The following LEKR1 variants were observed in gnomAD, a reference collection of about 807,000 sequenced individuals.
LEKR1 encodes protein LEKR1.
In LEKR1, 59 loss-of-function variants were observed where a neutral mutation model predicts 72.4. The observed-to-expected ratio is 0.82, with a 90% CI of 0.66 to 1.01. The LOEUF (loss-of-function observed/expected upper bound fraction) is 1.01, where lower values mean the gene tolerates loss of function less well. Among genes scored for constraint, LEKR1 ranks in the 50% least tolerant of loss-of-function variants. LEKR1 has a pLI of 0.00. For missense variants in LEKR1, 728 were observed against 759.2 expected (o/e 0.96, Z 0.48); for synonymous variants, 257 against 263.2 (o/e 0.98, Z 0.23).
intron 10 of LEKR1, among the ~76,000 whole-genome samples, chr3:157,014,899 C>T (rs972719375): frequency 6.6e-6 from 1 of 152,120 alleles, no homozygotes; most frequent in Non-Finnish European, 1.5e-5. Context: ...AGCTGAGAAT[C>T]CACCTCCATG....
At chr3:156,972,254 C>T (rs1729271604) in intron 6 of LEKR1, among the ~76,000 whole-genome samples, 1 of 151,664 alleles carries the variant, frequency 6.6e-6, no homozygotes, top group Non-Finnish European at 1.5e-5. Context: ...AAAAACCAAA[C>T]ACCGCATGTT....
chr3:156,877,851 C>T (rs944926887), intron 3 of LEKR1, among the ~76,000 whole-genome samples: 3 of 152,112 alleles, frequency 2.0e-5, no homozygotes, highest in Non-Finnish European at 2.9e-5. Flanking sequence ...GGCACGATCT[C>T]GGCTCACTGC....
At chr3:156,888,988 T>C (rs1329034117) in intron 3 of LEKR1, among the ~76,000 whole-genome samples, 3 of 152,216 alleles carry the variant, frequency 2.0e-5, no homozygotes, top group Non-Finnish European at 4.4e-5. Context: ...ATTTCTTTAT[T>C]AATAATCTTG....
rs955540809 is a variant in LEKR1 at position 156,881,094 on chromosome 3, G to C, written c.263+28112G>C. 1.8e-3 allele frequency among the ~76,000 whole-genome samples: 268 copies of C among 152,284 alleles called. 2 individuals carry two copies. The highest frequency in any genetic ancestry group is 6.2e-3 in the African/African-American group (256 of 41,552). ...ATTCTCTTTGAAAACTGGCACAAGA[G>C]AGGGATGCCCTCTCTCAGCACTCCT... On this transcript the variant is annotated intron_variant, in intron 3 of 12. Transcript: ENST00000356539.
intron 9 of LEKR1, among the ~76,000 whole-genome samples, chr3:156,995,090 C>G (rs1302738372): frequency 5.3e-5 from 8 of 152,192 alleles, no homozygotes; most frequent in African/African-American, 1.9e-4. Context: ...GGAAATCAAC[C>G]TGGGAAATAC....
intron 12 of LEKR1, among the ~76,000 whole-genome samples, chr3:157,032,627 T>G (rs1210898901): frequency 4.6e-5 from 7 of 152,192 alleles, no homozygotes; most frequent in Admixed American, 1.3e-4. Context: ...GTCTAAGAGA[T>G]AAATAACTTA....
intron 10 of LEKR1, among the ~76,000 whole-genome samples, chr3:157,020,000 A>C (rs749604943): frequency 5.3e-5 from 8 of 152,162 alleles, no homozygotes; most frequent in Non-Finnish European, 1.0e-4. Flanking sequence ...CAAATTAAAA[A>C]CAAAGCTAGT....
At chr3:157,003,186 G>A (rs572451223) in intron 9 of LEKR1, among the ~76,000 whole-genome samples, 1 of 152,150 alleles carries the variant, frequency 6.6e-6, no homozygotes, top group African/African-American at 2.4e-5. Context: ...CTTCTAACAA[G>A]CACATGACTA....
chr3:156,927,235 C>T (rs915857696), intron 4 of LEKR1, among the ~76,000 whole-genome samples, 194 bp from the exon 5 acceptor site: 1 of 151,788 alleles, frequency 6.6e-6, no homozygotes, highest in Admixed American at 6.6e-5. Flanking sequence ...TTAGAGTGAC[C>T]ATACACTTCA....
chr3:157,031,693 C>A lies in LEKR1; in HGVS notation c.1668+3291C>A, dbSNP rs1390404228. On this transcript the variant is annotated intron_variant, in intron 12 of 12. Coordinates refer to ENST00000356539, the MANE Select transcript of LEKR1 (RefSeq NM_001004316.3). ...TTTCTCAGATTCTGGAGAAATAAAG[C>A]TGCATTTAAGTGGAAAACAAATTCC... Among the ~76,000 whole-genome samples, 3 of 152,062 alleles carry A rather than the reference C, an allele frequency of 2.0e-5. No homozygotes were observed. The East Asian group carries it at 5.8e-4, about 29-fold the overall frequency.
rs1297853211 is a variant in LEKR1 at position 157,016,151 on chromosome 3, GA to G, written c.1203+4646del. The stretch of plus-strand genomic sequence containing the variant: ...AATTCCTGAAGGACAAGAGACAGAA[GA>G]GGGAACAAAAAAAATTGAAGAAATA... On this transcript the variant is annotated intron_variant, in intron 10 of 12. Transcript: ENST00000356539. 2.0e-5 allele frequency among the ~76,000 whole-genome samples: 3 copies of G among 151,236 alleles called. No homozygotes were observed. In the East Asian group the frequency reaches 5.8e-4, roughly 29 times the overall value.
Position 156,936,467 on chromosome 3 carries a change from C to CACACACACACACACACACA in LEKR1, c.560-6062_560-6061insACACACACACACACACACA, listed in dbSNP as rs767163001. On this transcript the variant is annotated intron_variant, in intron 5 of 12. Transcript: ENST00000356539. Reference sequence around the variant, plus strand: ...CACACACACACACACACACACACACCCCCCGTATGCCTAGCAGAATAAGGA... The same window carrying CACACACACACACACACACA: ...CACACACACACACACACACACACACCACACACACACACACACACACCCCGTATGCCTAGCAGAATAAGGA... 4.2e-3 allele frequency among the ~76,000 whole-genome samples: 292 copies of CACACACACACACACACACA among 70,144 alleles called. 8 individuals are homozygous for CACACACACACACACACACA. Among genetic ancestry groups the CACACACACACACACACACA allele is most frequent in the African/African-American group, 8.5e-3 (269 of 31,618 alleles). 46.0% of individuals were successfully genotyped at this position (70,144 alleles called of 152,430 possible).
intron 12 of LEKR1, among the ~76,000 whole-genome samples, chr3:157,032,184 T>C (rs1483821435): frequency 6.6e-6 from 1 of 152,148 alleles, no homozygotes; most frequent in East Asian, 1.9e-4. Flanking sequence ...TTTTCCTTCC[T>C]ACTGGTTCCA....
At chr3:157,004,381 A>C (rs1174949595) in intron 9 of LEKR1, among the ~76,000 whole-genome samples, 2 of 152,206 alleles carry the variant, frequency 1.3e-5, no homozygotes, top group Non-Finnish European at 2.9e-5. Context: ...TTATTGTTAA[A>C]GATGTCAATA....
chr3:156,983,995 A>G (rs559169706), intron 7 of LEKR1, among the ~76,000 whole-genome samples: 1 of 152,308 alleles, frequency 6.6e-6, no homozygotes, highest in Non-Finnish European at 1.5e-5. Context: ...AAATTGTTAA[A>G]TAGCAAACAG....
At chr3:156,847,100 G>T (rs1714710391) in intron 2 of LEKR1, among the ~76,000 whole-genome samples, 1 of 152,168 alleles carries the variant, frequency 6.6e-6, no homozygotes, top group Non-Finnish European at 1.5e-5. Context: ...AAGCTACCAT[G>T]CTTGGCCAAG....
intron 3 of LEKR1, among the ~76,000 whole-genome samples, chr3:156,881,012 A>T (rs998693049): frequency 2.0e-5 from 3 of 152,226 alleles, no homozygotes; most frequent in African/African-American, 7.2e-5. Context: ...AAATCATAAG[A>T]GCTATCTATG....
chr3:157,017,250 T>C (rs1486295946), intron 10 of LEKR1: 1 of 152,228 alleles, frequency 6.6e-6, no homozygotes, highest in Non-Finnish European at 1.5e-5. Context: ...GGCTAAACTC[T>C]GGTCTAAATA....
chr3:157,010,548 G>A (rs1732809000), intron 9 of LEKR1, among the ~76,000 whole-genome samples: 1 of 152,014 alleles, frequency 6.6e-6, no homozygotes, highest in Non-Finnish European at 1.5e-5. Context: ...AAGGGTCAGA[G>A]CTAAAAGGAA....
Sources: gnomAD v4.1 joint callset for allele counts (sites outside exome capture counted in the v4.1 genomes callset) on GRCh38, gnomAD v4.1.1 for gene constraint, MANE v1.5 for transcripts, NCBI Gene and HGNC (gene_info 2026-07-23, HGNC 2026-07-21) for gene names.